The following SENP7 variants were observed in gnomAD, a reference collection of about 807,000 sequenced individuals.
SENP7 encodes sentrin-specific protease 7.
SENP7 carries 64 observed loss-of-function variants against 141.2 expected under a neutral mutation model. The observed-to-expected ratio is 0.45, with a 90% CI of 0.37 to 0.56. The LOEUF (loss-of-function observed/expected upper bound fraction) is 0.56. SENP7 is among the 20% of genes least tolerant of loss of function. SENP7 has a pLI of 0.00. For missense variants in SENP7, 1,025 were observed against 1,212.2 expected (o/e 0.85, Z 2.29); for synonymous variants, 382 against 426.4 (o/e 0.90, Z 1.28).
chr3:101,419,245 T>C (rs897034883), intron 4 of SENP7, among the ~76,000 whole-genome samples: 2 of 152,252 alleles, frequency 1.3e-5, no homozygotes, highest in African/African-American at 4.8e-5. Context: ...CTGACTCATG[T>C]ACTTAGAATA....
intron 6 of SENP7, among the ~76,000 whole-genome samples, chr3:101,375,962 G>C (rs1182674802): frequency 6.6e-6 from 1 of 152,172 alleles, no homozygotes; most frequent in Non-Finnish European, 1.5e-5. Flanking sequence ...TAGGGGATTA[G>C]GAGAGGGGAG....
intron 19 of SENP7, 147 bp downstream of exon 19, chr3:101,331,838 T>C (rs2059063410): frequency 1.3e-6 from 1 of 744,336 alleles, no homozygotes; most frequent in Non-Finnish European, 2.1e-6. Flanking sequence ...TTGTCTATCA[T>C]TAAAAATTTC....
chr3:101,337,421 GA>G, intron 17 of SENP7, 87 bp downstream of exon 17: 1 of 918,412 alleles, frequency 1.1e-6, no homozygotes, highest in East Asian at 2.9e-5. Context: ...CCTACTTGAG[GA>G]AATACTATAA....
intron 4 of SENP7, among the ~76,000 whole-genome samples, chr3:101,450,581 A>G (rs1476024218): frequency 1.3e-5 from 2 of 152,232 alleles, no homozygotes; most frequent in Admixed American, 1.3e-4. Flanking sequence ...ACTCAACTAC[A>G]TGGAAACTGA....
intron 3 of SENP7, among the ~76,000 whole-genome samples, chr3:101,482,299 C>T (rs537597952): frequency 4.7e-5 from 7 of 147,888 alleles, no homozygotes; most frequent in South Asian, 4.3e-4. Flanking sequence ...GGCGACAGAG[C>T]GAGACTCTGT....
chr3:101,479,477 G>A (rs200820273), intron 3 of SENP7, among the ~76,000 whole-genome samples: 9 of 152,024 alleles, frequency 5.9e-5, no homozygotes, highest in African/African-American at 9.7e-5. Flanking sequence ...ATGATGGCAC[G>A]TGCCTGTAGT....
chr3:101,451,522 A>G (rs965364161), intron 4 of SENP7, among the ~76,000 whole-genome samples: 10 of 152,238 alleles, frequency 6.6e-5, no homozygotes, highest in Admixed American at 1.3e-4. Flanking sequence ...CACCATGATC[A>G]AGTGGGCTTC....
At chr3:101,336,074 T>C (rs189180829) in intron 17 of SENP7, among the ~76,000 whole-genome samples, 34 of 152,340 alleles carry the variant, frequency 2.2e-4, no homozygotes, top group Admixed American at 2.1e-3. Flanking sequence ...CCATTAATTA[T>C]ATAATCACAA....
intron 4 of SENP7, among the ~76,000 whole-genome samples, chr3:101,434,467 A>C (rs1312783484): frequency 6.6e-6 from 1 of 152,096 alleles, no homozygotes; most frequent in African/African-American, 2.4e-5. Flanking sequence ...AAAATACAAA[A>C]GATTAATGAA....
intron 20 of SENP7, among the ~76,000 whole-genome samples, chr3:101,329,365 C>T (rs999306167): frequency 6.6e-6 from 1 of 152,086 alleles, no homozygotes; most frequent in Non-Finnish European, 1.5e-5. Context: ...AGAAGGAATG[C>T]TCCTATTTTG....
At chr3:101,482,552 T>A (rs1338683155) in intron 3 of SENP7, among the ~76,000 whole-genome samples, 3 of 152,122 alleles carry the variant, frequency 2.0e-5, no homozygotes, top group Non-Finnish European at 2.9e-5. Flanking sequence ...TTTGTGGATA[T>A]CAACAAACTG....
chr3:101,431,412 T>C (rs1369072214), intron 4 of SENP7, among the ~76,000 whole-genome samples: 3 of 152,146 alleles, frequency 2.0e-5, no homozygotes, highest in African/African-American at 4.8e-5. Flanking sequence ...TCTTGTTGCA[T>C]TGATCCCTTT....
chr3:101,357,020 A>G (rs1263630659), intron 11 of SENP7, among the ~76,000 whole-genome samples: 2 of 150,264 alleles, frequency 1.3e-5, no homozygotes, highest in African/African-American at 4.9e-5. Context: ...TTTTTTTTTG[A>G]GACAGAGTTT....
At chr3:101,463,366 T>TAA (rs796724812) in intron 3 of SENP7, among the ~76,000 whole-genome samples, 5,282 of 60,866 alleles carry the variant, frequency 0.087, 130 homozygotes, top group South Asian at 0.12. Context: ...AATAAATAAA[T>TAA]ATATATATAT....
chr3:101,341,786 G>A lies in SENP7; in HGVS notation c.2107-7C>T. The A allele has an allele frequency of 6.3e-7, 1 of 1,577,584 alleles. No individual in the cohort carries two copies. Among genetic ancestry groups the A allele is most frequent in the South Asian group, 1.1e-5 (1 of 87,226 alleles). Reference sequence around the variant, plus strand: ...CCGCATCTGTGTTTGAGGGCTGACAGAAAGTGGCAAGAAAAAGGGTCTCAA... The same window carrying A: ...CCGCATCTGTGTTTGAGGGCTGACAAAAAGTGGCAAGAAAAAGGGTCTCAA... On this transcript the variant is annotated splice_polypyrimidine_tract_variant and splice_region_variant and intron_variant, in intron 14 of 23. Coordinates refer to ENST00000394095, the MANE Select transcript of SENP7 (RefSeq NM_020654.5).
intron 4 of SENP7, among the ~76,000 whole-genome samples, chr3:101,440,982 A>C (rs1367443297): frequency 1.3e-5 from 2 of 152,180 alleles, no homozygotes; most frequent in African/African-American, 4.8e-5. Flanking sequence ...ATAGAAAGGA[A>C]ATTCTCCAAC....
chr3:101,385,735 C>A (rs769412796), intron 6 of SENP7, among the ~76,000 whole-genome samples: 4 of 152,164 alleles, frequency 2.6e-5, no homozygotes, highest in Non-Finnish European at 5.9e-5. Flanking sequence ...ATCTAGAGAA[C>A]CCAACAGCAA....
At chr3:101,408,086 C>A (rs1382776721) in intron 5 of SENP7, among the ~76,000 whole-genome samples, 1 of 151,912 alleles carries the variant, frequency 6.6e-6, no homozygotes, top group Non-Finnish European at 1.5e-5. Context: ...CAATAAGAAA[C>A]AAAACGGGAG....
intron 4 of SENP7, chr3:101,457,383 T>A (rs1328373754): frequency 6.9e-7 from 1 of 1,449,794 alleles, no homozygotes; most frequent in Non-Finnish European, 9.6e-7. Context: ...GCTTAAACTG[T>A]TCAGACTGTC....
Sources: gnomAD v4.1 joint callset for allele counts (sites outside exome capture counted in the v4.1 genomes callset) on GRCh38, gnomAD v4.1.1 for gene constraint, MANE v1.5 for transcripts, NCBI Gene and HGNC (gene_info 2026-07-23, HGNC 2026-07-21) for gene names.